The following TMEM132D variants were observed in gnomAD, a reference collection of about 807,000 sequenced individuals.
The protein encoded by TMEM132D is mature OL transmembrane protein.
In TMEM132D, 21 loss-of-function variants were observed where a neutral mutation model predicts 62.3. The ratio of observed to expected loss-of-function variants is 0.34; its 90% CI spans 0.24 to 0.49. TMEM132D has a LOEUF of 0.49. Among genes scored for constraint, TMEM132D ranks in the 20% least tolerant of loss-of-function variants. The pLI, the probability that TMEM132D is intolerant of heterozygous loss-of-function variation, is 0.99. For synonymous variants in TMEM132D, 621 were observed against 575.6 expected (o/e 1.08, Z -1.13); for missense variants, 1,346 against 1,402.8 (o/e 0.96, Z 0.65).
chr12:129,177,011 CT>C (rs1243763201), intron 5 of TMEM132D, among the ~76,000 whole-genome samples: 1 of 152,246 alleles, frequency 6.6e-6, no homozygotes, highest in Non-Finnish European at 1.5e-5. Flanking sequence ...AGAACCTTCT[CT>C]TTGGTTTGGT....
chr12:129,468,835 T>C (rs956922687), intron 3 of TMEM132D, among the ~76,000 whole-genome samples: 5 of 152,242 alleles, frequency 3.3e-5, no homozygotes, highest in Admixed American at 6.5e-5. Flanking sequence ...TTGCTTCATT[T>C]TTATGATTTG....
chr12:129,807,474 G>A (rs776368682), intron 1 of TMEM132D, among the ~76,000 whole-genome samples: 17 of 152,194 alleles, frequency 1.1e-4, no homozygotes, highest in Non-Finnish European at 2.1e-4. Context: ...CGAGTCTCCA[G>A]ACTCCTTTAC....
At chr12:129,468,185 T>TTGTGTGTGTG (rs34249925) in intron 3 of TMEM132D, among the ~76,000 whole-genome samples, 4 of 151,134 alleles carry the variant, frequency 2.6e-5, no homozygotes, top group African/African-American at 4.8e-5. Flanking sequence ...ACACAAAGCT[T>TTGTGTGTGTG]TGTGTGTGTG....
At chr12:129,359,589 G>C (rs1870181789) in intron 3 of TMEM132D, among the ~76,000 whole-genome samples, 1 of 152,098 alleles carries the variant, frequency 6.6e-6, no homozygotes. Flanking sequence ...ATGGCTCACA[G>C]AGCCTGAAAT....
chr12:129,621,975 T>C (rs574741613), intron 2 of TMEM132D, among the ~76,000 whole-genome samples: 2 of 152,308 alleles, frequency 1.3e-5, no homozygotes, highest in Admixed American at 1.3e-4. Context: ...GCCCATTTGA[T>C]TTTGGAAAAG....
intron 3 of TMEM132D, among the ~76,000 whole-genome samples, chr12:129,339,273 A>G (rs1869389223): frequency 6.6e-6 from 1 of 151,858 alleles, no homozygotes; most frequent in African/African-American, 2.4e-5. Flanking sequence ...TCTCAAAAAA[A>G]AAAAAGGGAA....
intron 4 of TMEM132D, among the ~76,000 whole-genome samples, chr12:129,242,622 A>G (rs973819548): frequency 1.3e-5 from 2 of 151,912 alleles, no homozygotes; most frequent in African/African-American, 2.4e-5. Flanking sequence ...GTGCTTTTCA[A>G]TTTATTATTT....
At chr12:129,232,797 C>T (rs1593305063) in intron 4 of TMEM132D, among the ~76,000 whole-genome samples, 3 of 152,040 alleles carry the variant, frequency 2.0e-5, no homozygotes, top group Admixed American at 1.3e-4. Flanking sequence ...GAAGCAGGCG[C>T]GTCTTACATG....
intron 1 of TMEM132D, among the ~76,000 whole-genome samples, chr12:129,773,223 C>A (rs1870814355): frequency 6.6e-6 from 1 of 152,202 alleles, no homozygotes. Context: ...ACATCGTGCG[C>A]CTCCTGTATG....
intron 1 of TMEM132D, among the ~76,000 whole-genome samples, chr12:129,782,847 C>T (rs1871158349): frequency 1.4e-5 from 2 of 145,102 alleles, no homozygotes; most frequent in Admixed American, 6.8e-5. Context: ...GGCCTCCCCT[C>T]GAGGCGTAGG....
At chr12:129,328,972 ATAAAGAATTTATATATATG>A (rs1439291998) in intron 4 of TMEM132D, among the ~76,000 whole-genome samples, 1 of 149,026 alleles carries the variant, frequency 6.7e-6, no homozygotes, top group East Asian at 1.9e-4. Flanking sequence ...CTTTATATAT[ATAAAGAATTTATATATATG>A]TAAAGAACAT....
intron 5 of TMEM132D, among the ~76,000 whole-genome samples, chr12:129,136,207 T>C (rs900137459): frequency 6.6e-6 from 1 of 152,212 alleles, no homozygotes; most frequent in African/African-American, 2.4e-5. Context: ...AGAGTTCCTA[T>C]ATAACCTCTA....
chr12:129,715,734 G>A (rs1868547184), intron 1 of TMEM132D, among the ~76,000 whole-genome samples: 1 of 152,166 alleles, frequency 6.6e-6, no homozygotes, highest in Admixed American at 6.5e-5. Flanking sequence ...GTTCACATAT[G>A]CTTATTTACA....
intron 2 of TMEM132D, among the ~76,000 whole-genome samples, chr12:129,554,092 T>G (rs1876980750): frequency 6.6e-6 from 1 of 152,172 alleles, no homozygotes. Flanking sequence ...GTCTTCTCCA[T>G]ACTCCCCCCT....
intron 5 of TMEM132D, among the ~76,000 whole-genome samples, chr12:129,107,203 C>T (rs1565966161): frequency 6.6e-6 from 1 of 152,100 alleles, no homozygotes; most frequent in Non-Finnish European, 1.5e-5. Flanking sequence ...GAAAAACAAA[C>T]AGAAAGTTTC....
chr12:129,669,717 T>G (rs1252950120), intron 2 of TMEM132D, among the ~76,000 whole-genome samples: 1 of 148,844 alleles, frequency 6.7e-6, no homozygotes, highest in Non-Finnish European at 1.5e-5. Flanking sequence ...GAAATAAAAA[T>G]AAATAAATAA....
chr12:129,677,405 A>G (rs11060494), intron 2 of TMEM132D, among the ~76,000 whole-genome samples: 39,231 of 152,032 alleles, frequency 0.26, 5,509 homozygotes, highest in Non-Finnish European at 0.31. Flanking sequence ...TGGGAGTCCA[A>G]TTAAACCTCT....
At chr12:129,494,278 G>C (rs983026885) in intron 3 of TMEM132D, among the ~76,000 whole-genome samples, 23 of 152,192 alleles carry the variant, frequency 1.5e-4, no homozygotes, top group African/African-American at 5.6e-4. Flanking sequence ...GCATCATCTT[G>C]TTTGGTTTAT....
At chr12:129,651,476 A>G (rs985461765) in intron 2 of TMEM132D, among the ~76,000 whole-genome samples, 4 of 152,194 alleles carry the variant, frequency 2.6e-5, no homozygotes, top group Non-Finnish European at 5.9e-5. Flanking sequence ...TAACCTTTGT[A>G]TAAGCAAAAC....
Sources: allele counts gnomAD v4.1 joint callset (sites outside exome capture counted in the v4.1 genomes callset), GRCh38; gene constraint gnomAD v4.1.1; transcripts MANE v1.5; gene names NCBI Gene and HGNC (gene_info 2026-07-23, HGNC 2026-07-21).